The following SVEP1 variants were observed in gnomAD, a reference collection of about 807,000 sequenced individuals.
SVEP1 encodes sushi, von Willebrand factor type A, EGF and pentraxin domain containing 1, also known as sushi, von Willebrand factor type A, EGF and pentraxin domain-containing protein 1.
In SVEP1, 164 loss-of-function variants were observed where a neutral mutation model predicts 367.3. The ratio of observed to expected loss-of-function variants is 0.45; its 90% CI spans 0.39 to 0.51. The LOEUF is 0.51. Ranked by LOEUF, SVEP1 falls within the 20% of genes least tolerant of loss-of-function variation. The probability of loss-of-function intolerance (pLI) is 0.00; values close to 1 mark genes in which losing one functional copy is unlikely to be tolerated. For synonymous variants in SVEP1, 1,666 were observed against 1,611.6 expected (o/e 1.03, Z -0.81); for missense variants, 4,117 against 4,425.3 (o/e 0.93, Z 1.98).
chr9:110,500,078 T>A (rs1829509785), intron 6 of SVEP1, among the ~76,000 whole-genome samples: 3 of 152,222 alleles, frequency 2.0e-5, no homozygotes, highest in Non-Finnish European at 2.9e-5. Flanking sequence ...TTTCCTAAAG[T>A]CACCATGCAA....
intron 1 of SVEP1, among the ~76,000 whole-genome samples, chr9:110,572,491 T>C (rs1830576227): frequency 6.6e-6 from 1 of 152,162 alleles, no homozygotes; most frequent in African/African-American, 2.4e-5. Context: ...ACAAAACTAA[T>C]AAATAAAATA....
intron 32 of SVEP1, 89 bp downstream of exon 32, chr9:110,431,826 T>G: frequency 6.6e-7 from 1 of 1,526,316 alleles, no homozygotes; most frequent in Non-Finnish European, 8.9e-7. Flanking sequence ...TTGAAACAAT[T>G]ATCTCACTTA....
intron 47 of SVEP1, chr9:110,369,717 G>C (rs1827249202): frequency 1.8e-6 from 1 of 545,062 alleles, no homozygotes; most frequent in African/African-American, 1.9e-5. Flanking sequence ...TTATTTTTGA[G>C]ATATTCTTGT....
At chr9:110,489,193 A>T (rs143170574) in intron 9 of SVEP1, among the ~76,000 whole-genome samples, 37 of 152,180 alleles carry the variant, frequency 2.4e-4, no homozygotes, top group African/African-American at 7.2e-4. Context: ...ATCAGTGACA[A>T]GGGAGTTGTT....
intron 46 of SVEP1, among the ~76,000 whole-genome samples, chr9:110,371,863 A>AGAG (rs879944815): frequency 0.016 from 2,399 of 152,246 alleles, no homozygotes; most frequent in African/African-American, 0.055. Flanking sequence ...TCCCGCAATG[A>AGAG]ATCTCTCTAT....
rs757492056 is a variant in SVEP1 at position 110,579,590 on chromosome 9, G to A, written c.-47C>T. The A allele has an allele frequency of 3.1e-5, 47 of 1,504,078 alleles. No individual in the cohort carries two copies. In the African/African-American group the frequency reaches 5.5e-4, roughly 18 times the overall value. 93.2% of individuals were successfully genotyped at this position (1,504,078 alleles called of 1,614,324 possible). A position where few individuals can be genotyped will look rare whatever the true frequency, so the allele number is the denominator to read the frequency against. ...GCCCCGGAGCGCAGGCGGCGGCTCG[G>A]GCGGGAAGAGGCGCTGGGCGGCCGG... On this transcript the variant is annotated 5_prime_UTR_variant, in exon 1 of 48. Coordinates refer to ENST00000374469, the MANE Select transcript of SVEP1 (RefSeq NM_153366.4). This position sits in a 1 kb window ranked among gnomAD's most constrained non-coding sequence, Gnocchi z 5.3.
At position 110,546,272 on chromosome 9, in the gene SVEP1, A is replaced by T; in HGVS notation, c.807T>A (p.Phe269Leu). 1 of 1,591,628 alleles carries T rather than the reference A, an allele frequency of 6.3e-7. No individual in the cohort carries two copies. The highest frequency in any genetic ancestry group is 8.6e-7 in the Non-Finnish European group (1 of 1,168,564). The change falls in exon 3 of 48, where the codon TTT (phenylalanine) becomes TTA (leucine). Residue 269 changes from phenylalanine to leucine, a missense_variant. Around this residue, in one of 4 missense-constraint regions of SVEP1, gnomAD observed 2,174 missense variants for 2,494.3 expected, o/e 0.87. Coordinates refer to ENST00000374469, the MANE Select transcript of SVEP1 (RefSeq NM_153366.4). ...AGCAGTGGACCATATCATCTTGAAT[A>T]AAACTCCCAGAAGGTAGATCTACAA... Reference protein sequence around the residue: ...ALHEDLPSGSFIQDDMVHCSY... With the variant: ...ALHEDLPSGSLIQDDMVHCSY...
chr9:110,499,283 TTGG>T, intron 6 of SVEP1, 45 bp from the exon 7 acceptor site: 2 of 1,550,926 alleles, frequency 1.3e-6, no homozygotes, highest in Non-Finnish European at 1.8e-6. Flanking sequence ...TTCCCACAAA[TTGG>T]AAATGCCATG....
chr9:110,567,385 C>T (rs4556154), intron 1 of SVEP1, among the ~76,000 whole-genome samples: 27 of 152,270 alleles, frequency 1.8e-4, no homozygotes, highest in African/African-American at 3.6e-4. Context: ...AAAATTCCCA[C>T]AAGAACAATA....
chr9:110,504,326 C>T (rs886819417), intron 5 of SVEP1, among the ~76,000 whole-genome samples: 1 of 152,066 alleles, frequency 6.6e-6, no homozygotes, highest in Non-Finnish European at 1.5e-5. Flanking sequence ...TCCCAAAGTG[C>T]TGGGATTACA....
chr9:110,578,873 C>G lies in SVEP1; in HGVS notation c.531+140G>C, dbSNP rs1282461277. The G allele has an allele frequency of 4.1e-5, 38 of 930,280 alleles. 1 individual carries two copies. In the South Asian group the frequency reaches 5.8e-4, roughly 14 times the overall value. 57.6% of individuals were successfully genotyped at this position (930,280 alleles called of 1,614,324 possible). A position where few individuals can be genotyped will look rare whatever the true frequency, so the allele number is the denominator to read the frequency against. ...CAATAATAGGCGGGTAGCGATGACT[C>G]TGGTTTTGTGGATGGGGACGCTTGA... is the stretch of plus-strand genomic sequence containing the variant. On this transcript the variant is annotated intron_variant, in intron 1 of 47. Transcript: ENST00000374469.
rs189327031 is a variant in SVEP1 at position 110,574,985 on chromosome 9, T to G, written c.531+4028A>C. Among the ~76,000 whole-genome samples, 154 of 152,198 alleles carry G rather than the reference T, an allele frequency of 1.0e-3. 1 individual carries two copies. The highest frequency in any genetic ancestry group is 3.6e-3 in the African/African-American group (148 of 41,544). On this transcript the variant is annotated intron_variant, in intron 1 of 47. Transcript: ENST00000374469. The stretch of plus-strand genomic sequence containing the variant: ...CGGTCTAGATCTCCTGACCTCGTGA[T>G]CCACCCGCCTTGGCCTCCCAAAGTC...
At chr9:110,513,237 T>C in intron 4 of SVEP1, 132 bp from the exon 5 acceptor site, 1 of 878,268 alleles carries the variant, frequency 1.1e-6, no homozygotes, top group Non-Finnish European at 1.7e-6. Flanking sequence ...TTTACCGCAT[T>C]TGGATTTTCA....
chr9:110,450,652 T>C (rs1180949839), intron 23 of SVEP1, among the ~76,000 whole-genome samples: 5 of 151,822 alleles, frequency 3.3e-5, no homozygotes, highest in African/African-American at 1.2e-4. Flanking sequence ...GTATTTTTTT[T>C]TTAGTAGAGA....
chr9:110,524,753 C>A (rs1829921100), intron 3 of SVEP1, among the ~76,000 whole-genome samples: 1 of 151,140 alleles, frequency 6.6e-6, no homozygotes, highest in African/African-American at 2.4e-5. Context: ...ACTCTGTCAC[C>A]CATGCTGGAG....
intron 18 of SVEP1, among the ~76,000 whole-genome samples, chr9:110,461,240 G>A (rs948897692): frequency 1.3e-5 from 2 of 152,196 alleles, no homozygotes; most frequent in South Asian, 2.1e-4. Context: ...GGGGGACAGA[G>A]TACTCATGAC....
intron 42 of SVEP1, 33 bp from the exon 43 acceptor site, chr9:110,386,107 T>C: frequency 6.3e-7 from 1 of 1,584,498 alleles, no homozygotes; most frequent in Non-Finnish European, 8.6e-7. Flanking sequence ...CTTACTGATA[T>C]TTCCCCTCTT....
chr9:110,479,198 G>A (rs371097078), intron 13 of SVEP1, among the ~76,000 whole-genome samples: 159 of 152,078 alleles, frequency 1.0e-3, no homozygotes, highest in African/African-American at 3.3e-3. Context: ...GATTACAGGC[G>A]TGAGCCACCG....
At position 110,432,125 on chromosome 9, in the gene SVEP1, C is replaced by T. The variant is rs767587922; in HGVS notation, c.5234-91G>A. ...TTTACTTTTAAATCATTACATATCA[C>T]GTAATGCACAACACTTCATATATTT... On this transcript the variant is annotated intron_variant, in intron 31 of 47. Transcript: ENST00000374469. The T allele has an allele frequency of 7.2e-5, 95 of 1,310,470 alleles. 1 individual carries two copies. The highest frequency in any genetic ancestry group is 2.0e-4 in the South Asian group (13 of 66,402). The allele number at this position is 1,310,470 out of a possible 1,614,324, so 81.2% of individuals were successfully genotyped here.
Sources: gnomAD v4.1 joint callset for allele counts (sites outside exome capture counted in the v4.1 genomes callset) on GRCh38, gnomAD v4.1.1 for gene constraint, gnomAD v4.1.1 regional missense constraint, Gnocchi (gnomAD v3.1) non-coding constraint, MANE v1.5 for transcripts, NCBI Gene and HGNC (gene_info 2026-07-23, HGNC 2026-07-21) for gene names.